The following LRMDA variants were observed in gnomAD, a reference collection of about 807,000 sequenced individuals.
LRMDA encodes the protein leucine-rich melanocyte differentiation-associated protein.
LRMDA carries 18 observed loss-of-function variants against 29.8 expected under a neutral mutation model. That is an observed-to-expected ratio of 0.60 (90% CI 0.42 to 0.90). The LOEUF (loss-of-function observed/expected upper bound fraction) is 0.90. Among genes scored for constraint, LRMDA ranks in the 40% least tolerant of loss-of-function variants. The probability of loss-of-function intolerance (pLI) is 0.00; values close to 1 mark genes in which losing one functional copy is unlikely to be tolerated. For synonymous variants in LRMDA, 125 were observed against 109.4 expected (o/e 1.14, Z -0.89); for missense variants, 273 against 273.9 (o/e 1.00, Z 0.02).
intron 2 of LRMDA, among the ~76,000 whole-genome samples, chr10:75,507,519 C>T (rs1184093705): frequency 6.6e-6 from 1 of 152,128 alleles, no homozygotes; most frequent in Non-Finnish European, 1.5e-5. Flanking sequence ...TGAAGTCACC[C>T]AGAGAGACAG....
At chr10:76,478,725 T>G (rs1236894390) in intron 6 of LRMDA, among the ~76,000 whole-genome samples, 1 of 151,846 alleles carries the variant, frequency 6.6e-6, no homozygotes, top group African/African-American at 2.4e-5. Context: ...CCATAAAAAA[T>G]GATGAGTTCA....
chr10:76,338,256 C>A (rs992816293), intron 6 of LRMDA, among the ~76,000 whole-genome samples: 1 of 151,922 alleles, frequency 6.6e-6, no homozygotes, highest in South Asian at 2.1e-4. Flanking sequence ...ATATACCTGA[C>A]GTAGGAGGAC....
At chr10:75,785,449 G>C (rs534727916) in intron 2 of LRMDA, among the ~76,000 whole-genome samples, 25 of 152,336 alleles carry the variant, frequency 1.6e-4, no homozygotes, top group African/African-American at 5.3e-4. Context: ...TTTGAGAAGC[G>C]ACTGTGAAGC....
intron 5 of LRMDA, among the ~76,000 whole-genome samples, chr10:76,088,933 T>C (rs1849184872): frequency 6.6e-6 from 1 of 152,212 alleles, no homozygotes; most frequent in Non-Finnish European, 1.5e-5. Context: ...TCCTAATTGT[T>C]CTCATTAGTT....
intron 2 of LRMDA, among the ~76,000 whole-genome samples, chr10:75,616,139 A>G (rs1841094970): frequency 6.6e-6 from 1 of 152,184 alleles, no homozygotes; most frequent in Non-Finnish European, 1.5e-5. Context: ...CACGTCTTAC[A>G]TGGCAGCAGG....
intron 2 of LRMDA, among the ~76,000 whole-genome samples, chr10:75,839,869 C>A (rs193181759): frequency 5.3e-5 from 8 of 151,946 alleles, no homozygotes; most frequent in Non-Finnish European, 1.2e-4. Flanking sequence ...CCACCGCGCC[C>A]GGCTAAGTTT....
At chr10:75,929,573 T>G (rs928802645) in intron 2 of LRMDA, among the ~76,000 whole-genome samples, 1 of 152,126 alleles carries the variant, frequency 6.6e-6, no homozygotes, top group Non-Finnish European at 1.5e-5. Flanking sequence ...TATTAGGTAT[T>G]TGTTTTATAT....
In LRMDA at chr10:76,143,232, G is replaced by T. The variant is rs558409438; in HGVS notation, c.516+84449G>T. ...AGTAATAGGATGGCTGGGTCAAATG[G>T]CATTTCTAGTTCTAGATCCCTGAGA... On this transcript the variant is annotated intron_variant, in intron 5 of 6. Coordinates refer to ENST00000611255, the MANE Select transcript of LRMDA (RefSeq NM_001305581.2). Among the ~76,000 whole-genome samples the T allele has an allele frequency of 3.9e-5, 6 of 152,274 alleles. No homozygotes were observed. The East Asian group carries it at 1.2e-3, about 29-fold the overall frequency.
intron 2 of LRMDA, among the ~76,000 whole-genome samples, chr10:75,608,129 T>TATATATATATATACACACAC (rs11271217): frequency 4.5e-5 from 4 of 89,598 alleles, no homozygotes; most frequent in African/African-American, 1.2e-4. Flanking sequence ...TATATATATA[T>TATATATATATATACACACAC]ACACACACAT....
chr10:75,852,565 T>G (rs1269027486), intron 2 of LRMDA, among the ~76,000 whole-genome samples: 1 of 151,902 alleles, frequency 6.6e-6, no homozygotes, highest in Non-Finnish European at 1.5e-5. Context: ...AAAAAAATAG[T>G]AATCTCTTGG....
chr10:75,914,495 C>CT (rs1456101645), intron 2 of LRMDA, among the ~76,000 whole-genome samples: 1 of 152,200 alleles, frequency 6.6e-6, no homozygotes, highest in African/African-American at 2.4e-5. Flanking sequence ...TTTTGAGCCT[C>CT]TTTTTTTCCA....
intron 6 of LRMDA, among the ~76,000 whole-genome samples, chr10:76,548,499 C>T (rs1393625530): frequency 6.6e-6 from 1 of 150,798 alleles, no homozygotes; most frequent in East Asian, 1.9e-4. Flanking sequence ...AAAATTTGGA[C>T]TGCTAAGAAG....
At chr10:76,221,804 T>A (rs1336347499) in intron 5 of LRMDA, among the ~76,000 whole-genome samples, 3 of 152,074 alleles carry the variant, frequency 2.0e-5, no homozygotes, top group Non-Finnish European at 4.4e-5. Context: ...AGAGCCCACA[T>A]CGCCAAGTCA....
At chr10:76,208,113 C>T (rs1028315870) in intron 5 of LRMDA, among the ~76,000 whole-genome samples, 6 of 152,118 alleles carry the variant, frequency 3.9e-5, no homozygotes, top group Admixed American at 2.0e-4. Flanking sequence ...GATTGGTAAA[C>T]ATAGTTCAAT....
chr10:75,966,398 T>C (rs1264552861), intron 2 of LRMDA, among the ~76,000 whole-genome samples: 1 of 152,170 alleles, frequency 6.6e-6, no homozygotes, highest in Non-Finnish European at 1.5e-5. Context: ...AACGAACCCA[T>C]ACGCGGAAAG....
In LRMDA at chr10:75,526,852, C is replaced by T. The variant is rs550713222; in HGVS notation, c.131+88358C>T. Among the ~76,000 whole-genome samples, 16 of 123,698 alleles carry T rather than the reference C, an allele frequency of 1.3e-4. No homozygotes were observed. In the East Asian group the frequency reaches 3.4e-3, roughly 26 times the overall value. The allele number at this position is 123,698 out of a possible 152,430, so 81.2% of individuals were successfully genotyped here. A position where few individuals can be genotyped will look rare whatever the true frequency, so the allele number is the denominator to read the frequency against. On this transcript the variant is annotated intron_variant, in intron 2 of 6. Transcript: ENST00000611255. Reference sequence around the variant, plus strand: ...CCAGCCTGGATGGCAGAGCAAGGCCCTATCTCAAAAAAAAAAAAAACAAAA... The same window carrying T: ...CCAGCCTGGATGGCAGAGCAAGGCCTTATCTCAAAAAAAAAAAAAACAAAA...
At chr10:76,042,717 T>C (rs1589300304) in intron 3 of LRMDA, among the ~76,000 whole-genome samples, 1 of 152,320 alleles carries the variant, frequency 6.6e-6, no homozygotes, top group East Asian at 1.9e-4. Context: ...AGTTTCATTA[T>C]TTGGTGAAAT....
At chr10:76,314,628 A>C (rs1171651288) in intron 5 of LRMDA, among the ~76,000 whole-genome samples, 1 of 152,222 alleles carries the variant, frequency 6.6e-6, no homozygotes, top group Non-Finnish European at 1.5e-5. Context: ...ATAACAGTAA[A>C]ATTTTGTAAA....
intron 5 of LRMDA, among the ~76,000 whole-genome samples, chr10:76,209,402 T>G (rs1294023439): frequency 6.6e-6 from 1 of 152,130 alleles, no homozygotes; most frequent in Non-Finnish European, 1.5e-5. Flanking sequence ...GCTGAGAACT[T>G]GCTGCTCATG....
Sources: gnomAD v4.1 joint callset for allele counts (sites outside exome capture counted in the v4.1 genomes callset) on GRCh38, gnomAD v4.1.1 for gene constraint, MANE v1.5 for transcripts, NCBI Gene and HGNC (gene_info 2026-07-23, HGNC 2026-07-21) for gene names.